Variants in IQSEC1 observed in about 807,000 individuals in gnomAD.
The protein encoded by IQSEC1 is IQ motif and Sec7 domain ArfGEF 1.
IQSEC1 carries 31 observed loss-of-function variants against 91.0 expected under a neutral mutation model. The observed-to-expected ratio is 0.34, with a 90% CI of 0.26 to 0.46. IQSEC1 has a LOEUF of 0.46. Among genes scored for constraint, IQSEC1 ranks in the 20% least tolerant of loss-of-function variants. The pLI is 1.00. For synonymous variants in IQSEC1, 699 were observed against 662.6 expected (o/e 1.05, Z -0.84); for missense variants, 1,388 against 1,575.6 (o/e 0.88, Z 2.02).
intron 1 of IQSEC1, among the ~76,000 whole-genome samples, chr3:13,064,119 C>CCT (rs1705160493): frequency 6.6e-6 from 1 of 152,092 alleles, no homozygotes; most frequent in South Asian, 2.1e-4. Context: ...ACTGCACTGT[C>CCT]CTCCCATCTT....
At chr3:12,955,801 G>T (rs1264271951) in intron 1 of IQSEC1, among the ~76,000 whole-genome samples, 1 of 152,202 alleles carries the variant, frequency 6.6e-6, no homozygotes, top group Non-Finnish European at 1.5e-5. Context: ...GGGAGAGTTG[G>T]TCAGGAGACC....
rs763062623 is a variant in IQSEC1, at chr3:12,970,751, C to T, written c.24-28886G>A. 3.3e-5 allele frequency among the ~76,000 whole-genome samples: 5 copies of T among 152,228 alleles called. No homozygotes were observed. The highest frequency in any genetic ancestry group is 9.6e-5 in the African/African-American group (4 of 41,456). On this transcript the variant is annotated intron_variant, in intron 1 of 13. Coordinates refer to ENST00000613206, the MANE Select transcript of IQSEC1 (RefSeq NM_001134382.3). This position sits in a 1 kb window ranked among gnomAD's most constrained non-coding sequence, Gnocchi z 4.4. ...TGGTTTTCAGCTTCCTATGTCACTG[C>T]TCCCAGAAAGACACCCATGACCAGC...
At chr3:13,109,040 C>T (rs1706198162) in intron 2 of IQSEC1, among the ~76,000 whole-genome samples, 1 of 152,214 alleles carries the variant, frequency 6.6e-6, no homozygotes, top group Admixed American at 6.5e-5. Flanking sequence ...GTCCAAACAG[C>T]TCCCAGAGGC....
At chr3:13,172,562 G>A (rs1315493841) in intron 1 of IQSEC1, among the ~76,000 whole-genome samples, 2 of 152,176 alleles carry the variant, frequency 1.3e-5, no homozygotes, top group Non-Finnish European at 2.9e-5. Context: ...AGAACGGGAA[G>A]GAGAATAACA....
At chr3:13,020,836 T>C (rs1703364128) in intron 1 of IQSEC1, among the ~76,000 whole-genome samples, 1 of 152,216 alleles carries the variant, frequency 6.6e-6, no homozygotes, top group African/African-American at 2.4e-5. Flanking sequence ...GCCTGGCTTC[T>C]GATGTTTTTT....
chr3:13,003,943 A>G (rs1702530318), intron 1 of IQSEC1, among the ~76,000 whole-genome samples: 1 of 152,238 alleles, frequency 6.6e-6, no homozygotes, highest in African/African-American at 2.4e-5. Flanking sequence ...TTTTTAAGAG[A>G]AAGCAAAATT....
intron 1 of IQSEC1, among the ~76,000 whole-genome samples, chr3:13,175,271 A>C (rs1693704413): frequency 6.6e-6 from 1 of 152,088 alleles, no homozygotes; most frequent in Admixed American, 6.6e-5. Flanking sequence ...CATTTGTAAA[A>C]TGCACCTCCA....
intron 10 of IQSEC1, among the ~76,000 whole-genome samples, chr3:12,911,205 G>C (rs1488910737): frequency 2.0e-5 from 3 of 152,260 alleles, no homozygotes; most frequent in Admixed American, 2.0e-4. Flanking sequence ...AGTTGAGCCA[G>C]AGCTGGGATC....
chr3:13,069,651 C>T (rs895300803), intron 1 of IQSEC1, among the ~76,000 whole-genome samples: 2 of 152,248 alleles, frequency 1.3e-5, no homozygotes, highest in Admixed American at 6.5e-5. Context: ...GAGTGCTCCA[C>T]TGGCCTGGCC....
chr3:13,153,205 C>G (rs1707029585), intron 2 of IQSEC1, among the ~76,000 whole-genome samples: 1 of 152,126 alleles, frequency 6.6e-6, no homozygotes, highest in Non-Finnish European at 1.5e-5. Context: ...CCTCTCTCAG[C>G]CCAGAGCCCC....
chr3:12,946,714 T>C (rs1699205504), intron 1 of IQSEC1, among the ~76,000 whole-genome samples: 1 of 152,154 alleles, frequency 6.6e-6, no homozygotes, highest in Non-Finnish European at 1.5e-5. Flanking sequence ...GACTATAAGA[T>C]GAATGTGAGC....
intron 1 of IQSEC1, among the ~76,000 whole-genome samples, chr3:13,217,004 C>A (rs1163657149): frequency 6.6e-6 from 1 of 152,044 alleles, no homozygotes; most frequent in Non-Finnish European, 1.5e-5. Context: ...ATGGTGGTGA[C>A]AAAGGATTTG....
chr3:13,041,529 C>T (rs1704268591), intron 1 of IQSEC1, among the ~76,000 whole-genome samples: 3 of 152,168 alleles, frequency 2.0e-5, no homozygotes, highest in African/African-American at 7.2e-5. Flanking sequence ...GGGACAATTC[C>T]CTCCTCCAGG....
In IQSEC1 at chr3:13,193,395, T is replaced by C. The variant is rs1694069337; in HGVS notation, c.273-29262A>G. 6.6e-6 allele frequency among the ~76,000 whole-genome samples: 1 copy of C among 152,004 alleles called. No individual in the cohort carries two copies. The highest frequency in any genetic ancestry group is 1.5e-5 in the Non-Finnish European group (1 of 67,992). ...ACCAGTGAGTTTTAAACTAGGAAGG[T>C]AAAGATCAGAGGTGGCTTGGAAAGA... On this transcript the variant is annotated intron_variant, in intron 1 of 15. Transcript: ENST00000648114. This position sits in a 1 kb window ranked among gnomAD's most constrained non-coding sequence, Gnocchi z 4.2.
intron 1 of IQSEC1, among the ~76,000 whole-genome samples, chr3:13,164,280 C>T (rs2124986808): frequency 6.6e-6 from 1 of 152,290 alleles, no homozygotes; most frequent in East Asian, 1.9e-4. Flanking sequence ...GCCCAATCCT[C>T]CGGGGTCTCT....
intron 2 of IQSEC1, among the ~76,000 whole-genome samples, chr3:13,080,797 C>T (rs551329887): frequency 3.9e-4 from 60 of 152,226 alleles, no homozygotes; most frequent in Non-Finnish European, 8.2e-4. Flanking sequence ...GGGGATCTGC[C>T]GTCTGTCCTG....
intron 1 of IQSEC1, among the ~76,000 whole-genome samples, chr3:13,164,312 G>A (rs1362116247): frequency 6.6e-6 from 1 of 152,140 alleles, no homozygotes; most frequent in African/African-American, 2.4e-5. Flanking sequence ...CTTTGACCTG[G>A]AACTGTATTC....
chr3:13,084,686 G>A (rs777811315), intron 2 of IQSEC1, among the ~76,000 whole-genome samples: 2 of 152,200 alleles, frequency 1.3e-5, no homozygotes, highest in Non-Finnish European at 2.9e-5. Context: ...GAGGACAGGG[G>A]AGATGGGCCC....
At chr3:13,227,842 C>T (rs1369439219) in intron 1 of IQSEC1, among the ~76,000 whole-genome samples, 4 of 152,216 alleles carry the variant, frequency 2.6e-5, no homozygotes, top group Non-Finnish European at 5.9e-5. Context: ...ACAGAGACCA[C>T]TGCCTTGGCT....
Sources: allele counts gnomAD v4.1 joint callset (sites outside exome capture counted in the v4.1 genomes callset), GRCh38; gene constraint gnomAD v4.1.1; non-coding constraint Gnocchi (gnomAD v3.1); transcripts MANE v1.5; gene names NCBI Gene and HGNC (gene_info 2026-07-23, HGNC 2026-07-21).